The following KCNK2 variants were observed in gnomAD, a reference collection of about 807,000 sequenced individuals.
KCNK2 encodes potassium two pore domain channel subfamily K member 2, also known as potassium channel subfamily K member 2.
A neutral mutation model predicts 40.5 loss-of-function variants in KCNK2; 21 were observed. The observed-to-expected ratio is 0.52, with a 90% CI of 0.37 to 0.75. The LOEUF is 0.75. Ranked by LOEUF, KCNK2 falls within the 30% of genes least tolerant of loss-of-function variation. The pLI, the probability that KCNK2 is intolerant of heterozygous loss-of-function variation, is 0.00. For missense variants in KCNK2, 399 were observed against 531.6 expected (o/e 0.75, Z 2.45); for synonymous variants, 191 against 202.2 (o/e 0.94, Z 0.47).
In KCNK2 at chr1:215,067,957, C is replaced by T. The variant is rs1030034566; in HGVS notation, c.35-18411C>T. On this transcript the variant is annotated intron_variant, in intron 1 of 6. Transcript: ENST00000391895. ...ATCCTCAAAATACAACTGGGAAATT[C>T]GCCCATGTAATTTATTTCAATAAAT... Among the ~76,000 whole-genome samples, 15 of 152,022 alleles carry T rather than the reference C, an allele frequency of 9.9e-5. No homozygotes were observed. In the South Asian group the frequency reaches 1.2e-3, roughly 13 times the overall value.
chr1:215,057,801 T>C (rs1372113541), intron 1 of KCNK2, among the ~76,000 whole-genome samples: 1 of 152,110 alleles, frequency 6.6e-6, no homozygotes, highest in East Asian at 1.9e-4. Flanking sequence ...TTGGCTTTGC[T>C]CCCTGGCCTG....
intron 6 of KCNK2, among the ~76,000 whole-genome samples, chr1:215,227,494 G>T (rs1427643988): frequency 6.6e-6 from 1 of 152,176 alleles, no homozygotes; most frequent in Admixed American, 6.5e-5. Flanking sequence ...GAGAGGGATG[G>T]TAATTAGAAT....
At chr1:215,207,183 G>T (rs1201916918) in intron 6 of KCNK2, among the ~76,000 whole-genome samples, 2 of 152,138 alleles carry the variant, frequency 1.3e-5, no homozygotes, top group Non-Finnish European at 2.9e-5. Context: ...CTGGTCCATG[G>T]TCTGTTAGGA....
At chr1:215,086,808 C>T (rs1659464955) in intron 2 of KCNK2, 130 bp downstream of exon 2, 1 of 756,704 alleles carries the variant, frequency 1.3e-6, no homozygotes, top group Non-Finnish European at 2.2e-6. Context: ...TTTGCCTTAA[C>T]ATATAGCTCT....
At chr1:215,082,641 G>A (rs1343490936), upstream of KCNK2, among the ~76,000 whole-genome samples, 1 of 152,020 alleles carries the variant, frequency 6.6e-6, no homozygotes, top group Non-Finnish European at 1.5e-5. Flanking sequence ...GGGCGACGCA[G>A]GCAAGGGTAG....
intron 6 of KCNK2, among the ~76,000 whole-genome samples, chr1:215,205,811 T>C (rs1665293237): frequency 6.6e-6 from 1 of 152,176 alleles, no homozygotes; most frequent in African/African-American, 2.4e-5. Context: ...GTTTGTCTAA[T>C]TCAAGGACAC....
chr1:215,049,693 G>T (rs1052170347), intron 1 of KCNK2, among the ~76,000 whole-genome samples: 2 of 151,966 alleles, frequency 1.3e-5, no homozygotes, highest in Non-Finnish European at 2.9e-5. Flanking sequence ...TTAGATTTAG[G>T]TTATTTATTT....
intron 1 of KCNK2, among the ~76,000 whole-genome samples, chr1:215,019,007 AAC>A (rs1491435926): frequency 3.2e-5 from 4 of 125,010 alleles, no homozygotes; most frequent in Admixed American, 1.7e-4. Context: ...ACAAAAAAAA[AAC>A]CATCTAAGAA....
At chr1:215,227,288 A>C (rs182493360) in intron 6 of KCNK2, among the ~76,000 whole-genome samples, 61 of 152,330 alleles carry the variant, frequency 4.0e-4, no homozygotes, top group African/African-American at 1.4e-3. Context: ...AAATGATTCT[A>C]ATGTATTCTA....
chr1:215,090,081 C>T (rs911223393), intron 2 of KCNK2, among the ~76,000 whole-genome samples: 2 of 152,086 alleles, frequency 1.3e-5, no homozygotes, highest in African/African-American at 2.4e-5. Flanking sequence ...CTGCCTCAGC[C>T]TCCCAAAGAG....
chr1:215,122,740 CTTTTTTTTT>C (rs564207038), intron 2 of KCNK2, among the ~76,000 whole-genome samples: 4 of 120,356 alleles, frequency 3.3e-5, no homozygotes, highest in East Asian at 2.4e-4. Flanking sequence ...CATTCATAAT[CTTTTTTTTT>C]TTTTTTTTTT....
At chr1:215,162,627 T>G (rs1663252960) in intron 3 of KCNK2, among the ~76,000 whole-genome samples, 1 of 152,124 alleles carries the variant, frequency 6.6e-6, no homozygotes, top group Admixed American at 6.6e-5. Flanking sequence ...CCAGTTTCAG[T>G]TTTCTGCATA....
In KCNK2 at chr1:215,088,708, G is replaced by A. The variant is rs187280377; in HGVS notation, c.357+2030G>A. On this transcript the variant is annotated intron_variant, in intron 2 of 6. Transcript: ENST00000444842. The stretch of plus-strand genomic sequence containing the variant: ...CTCTAAAGATAACTTGAAGGTCATG[G>A]CAGGTAGGAGCAATCTGGTGGTGAA... Among the ~76,000 whole-genome samples, 433 of 152,288 alleles carry A rather than the reference G, an allele frequency of 2.8e-3. 3 individuals are homozygous for A. The highest frequency in any genetic ancestry group is 0.01 in the Middle Eastern group (3 of 290).
At position 215,198,081 on chromosome 1, in the gene KCNK2, A is replaced by G. The variant is rs79558659; in HGVS notation, c.963+2989A>G. On this transcript the variant is annotated intron_variant, in intron 6 of 6. Transcript: ENST00000444842. ...TTATGAGTGATCTTCATGACTCTCA[A>G]CTGAAAGTATGAGGTGTAGCATTGT... Among the ~76,000 whole-genome samples the G allele has an allele frequency of 4.2e-3, 645 of 152,354 alleles. 20 individuals carry two copies. The South Asian group carries it at 0.063, about 15-fold the overall frequency.
intron 1 of KCNK2, among the ~76,000 whole-genome samples, chr1:215,036,298 C>A (rs1057441156): frequency 2.0e-5 from 3 of 151,858 alleles, no homozygotes; most frequent in Admixed American, 6.6e-5. Flanking sequence ...AAAGGACATT[C>A]CCTTCCTCCA....
Position 215,235,442 on chromosome 1 carries a change from T to G in KCNK2, c.*297T>G. The G allele has an allele frequency of 3.3e-6, 1 of 300,120 alleles. No homozygotes were observed. Among genetic ancestry groups the G allele is most frequent in the Non-Finnish European group, 6.3e-6 (1 of 159,306 alleles). 18.6% of individuals were successfully genotyped at this position (300,120 alleles called of 1,614,324 possible). A position where few individuals can be genotyped will look rare whatever the true frequency, so the allele number is the denominator to read the frequency against. Reference sequence around the variant, plus strand: ...TCTTTCCCTAATGTGCCATAAGGCCTCAGAATGAATGAGAATTGTTTCTGG... The same window carrying G: ...TCTTTCCCTAATGTGCCATAAGGCCGCAGAATGAATGAGAATTGTTTCTGG... On this transcript the variant is annotated 3_prime_UTR_variant, in exon 7 of 7. Transcript: ENST00000444842.
chr1:215,209,308 T>A (rs1182081277), intron 6 of KCNK2, among the ~76,000 whole-genome samples: 1 of 77,564 alleles, frequency 1.3e-5, no homozygotes, highest in African/African-American at 4.6e-5. Context: ...ATATATTATA[T>A]ATATGAAATA....
At chr1:215,046,575 A>C (rs757324491) in intron 1 of KCNK2, among the ~76,000 whole-genome samples, 3 of 152,104 alleles carry the variant, frequency 2.0e-5, no homozygotes, top group African/African-American at 4.8e-5. Context: ...TTGTTAGAAT[A>C]AACAGGTACA....
intron 3 of KCNK2, among the ~76,000 whole-genome samples, chr1:215,137,952 A>C (rs1415438732): frequency 6.6e-6 from 1 of 152,216 alleles, no homozygotes; most frequent in Non-Finnish European, 1.5e-5. Context: ...GGTCCACAGC[A>C]CATATCAGAT....
Sources: allele counts gnomAD v4.1 joint callset (sites outside exome capture counted in the v4.1 genomes callset), GRCh38; gene constraint gnomAD v4.1.1; transcripts MANE v1.5; gene names NCBI Gene and HGNC (gene_info 2026-07-23, HGNC 2026-07-21).